The following PABPN1 variants were observed in gnomAD, a reference collection of about 807,000 sequenced individuals.
The protein encoded by PABPN1 is polyadenylate-binding protein 2.
PABPN1 carries 5 observed loss-of-function variants against 33.4 expected under a neutral mutation model. That is an observed-to-expected ratio of 0.15 (90% confidence interval 0.08 to 0.32). The LOEUF is 0.32. Ranked by LOEUF, PABPN1 falls within the 10% of genes least tolerant of loss-of-function variation. The pLI, the probability that PABPN1 is intolerant of heterozygous loss-of-function variation, is 1.00. For synonymous variants in PABPN1, 176 were observed against 170.6 expected (o/e 1.03, Z -0.25); for missense variants, 312 against 425.8 (o/e 0.73, Z 2.35).
At chr14:23,323,285 TGGTGTATGA>T in intron 3 of PABPN1, 83 bp from the exon 4 acceptor site, 1 of 1,361,882 alleles carries the variant, frequency 7.3e-7, no homozygotes, top group Non-Finnish European at 1.0e-6. Flanking sequence ...TCATGTGCTT[TGGTGTATGA>T]TGGCCCAGAC....
chr14:23,322,764 G>A, intron 2 of PABPN1: 17 of 562,758 alleles, frequency 3.0e-5, no homozygotes, highest in Middle Eastern at 3.9e-4. Context: ...GGAGGCAGGA[G>A]GGATTCCTAT....
intron 6 of PABPN1, 35 bp downstream of exon 6, chr14:23,324,324 C>T: frequency 6.2e-7 from 1 of 1,606,354 alleles, no homozygotes; most frequent in Non-Finnish European, 8.5e-7. Flanking sequence ...TTTCCCCCGC[C>T]TCCCGTGAGC....
rs564060814 is a variant in PABPN1 at position 23,325,681 on chromosome 14, T to A, written c.*395T>A. On this transcript the variant is annotated 3_prime_UTR_variant, in exon 7 of 7. Coordinates refer to ENST00000216727, the MANE Select transcript of PABPN1 (RefSeq NM_004643.4). ...CTGGAAGGACACCAAACTGTTCTGCTTGTTACCTTCCCTCCGTCTTCTCCT... is the reference window on the plus strand; with the variant it reads ...CTGGAAGGACACCAAACTGTTCTGCATGTTACCTTCCCTCCGTCTTCTCCT... 42 of 187,674 alleles carry A rather than the reference T, an allele frequency of 2.2e-4. No homozygotes were observed. Among genetic ancestry groups the A allele is most frequent in the Non-Finnish European group, 3.4e-4 (30 of 89,414 alleles). The allele number at this position is 187,674 out of a possible 1,614,324, so 11.6% of individuals were successfully genotyped here.
At position 23,323,954 on chromosome 14, in the gene PABPN1, A is replaced by G. The variant is rs1888527260; in HGVS notation, c.642-11A>G. ...GTAACCTCAGAGAGATACAATGACA[A>G]TTCTTTTCAGGTTTGCGTATATAGA... On this transcript the variant is annotated splice_polypyrimidine_tract_variant and intron_variant, in intron 4 of 6. Coordinates refer to ENST00000216727, the MANE Select transcript of PABPN1 (RefSeq NM_004643.4). 1.2e-6 allele frequency: 2 copies of G among 1,614,008 alleles called. No homozygotes were observed. The highest frequency in any genetic ancestry group is 2.2e-5 in the East Asian group (1 of 44,892).
chr14:23,323,507 G>A, intron 4 of PABPN1, 24 bp downstream of exon 4: 1 of 1,592,504 alleles, frequency 6.3e-7, no homozygotes, highest in Non-Finnish European at 8.6e-7. Flanking sequence ...AGTAAGTTGA[G>A]ATAATTTAAA....
intron 4 of PABPN1, 77 bp from the exon 5 acceptor site, chr14:23,323,888 C>T (rs982400744): frequency 1.0e-5 from 15 of 1,471,860 alleles, no homozygotes; most frequent in Admixed American, 3.5e-5. Context: ...TAGCCCAAAA[C>T]GAAGCATGCC....
At chr14:23,323,350 C>A in intron 3 of PABPN1, 27 bp from the exon 4 acceptor site, 1 of 1,608,510 alleles carries the variant, frequency 6.2e-7, no homozygotes, top group Non-Finnish European at 8.5e-7. Flanking sequence ...TTGCCTGGTG[C>A]CTGTGAAATT....
intron 6 of PABPN1, 128 bp downstream of exon 6, chr14:23,324,417 C>T: frequency 4.0e-6 from 5 of 1,261,246 alleles, no homozygotes; most frequent in Non-Finnish European, 5.6e-6. Flanking sequence ...TGTCTCCTGC[C>T]TGTGCAGGTT....
rs538688568 is a variant in PABPN1 at position 23,323,822 on chromosome 14, T to C, written c.642-143T>C. The C allele has an allele frequency of 4.4e-6, 4 of 909,904 alleles. No homozygotes were observed. In the African/African-American group the frequency reaches 6.7e-5, roughly 15 times the overall value. The allele number at this position is 909,904 out of a possible 1,614,324, so 56.4% of individuals were successfully genotyped here. On this transcript the variant is annotated intron_variant, in intron 4 of 6. Coordinates refer to ENST00000216727, the MANE Select transcript of PABPN1 (RefSeq NM_004643.4). ...ATTTTAAAATTTAAATGATTTCGAA[T>C]GATTGAAATTTTCCATTTAGAAGAA... is the stretch of plus-strand genomic sequence containing the variant.
In PABPN1 at chr14:23,323,374, C is replaced by A. The variant is rs774184575; in HGVS notation, c.535-3C>A. ...GCCTGTGAAATTTTTCTCCTCTCAT[C>A]AGGTGGACTATGGTGCAACAGCAGA... is the stretch of plus-strand genomic sequence containing the variant. On this transcript the variant is annotated splice_region_variant and splice_polypyrimidine_tract_variant and intron_variant, in intron 3 of 6. Coordinates refer to ENST00000216727, the MANE Select transcript of PABPN1 (RefSeq NM_004643.4). The A allele has an allele frequency of 1.9e-6, 3 of 1,612,812 alleles. No homozygotes were observed. Among genetic ancestry groups the A allele is most frequent in the African/African-American group, 2.7e-5 (2 of 74,868 alleles).
At chr14:23,321,966 C>A in intron 1 of PABPN1, 146 bp downstream of exon 1, 2 of 774,648 alleles carry the variant, frequency 2.6e-6, no homozygotes, top group South Asian at 1.8e-5. Flanking sequence ...GGGGATGGGT[C>A]AGCGATCACT....
Position 23,325,571 on chromosome 14 carries a change from T to A in PABPN1, c.*285T>A. Reference sequence around the variant, plus strand: ...CAACTGCGCAAGCTGCTGCCCATGTTTCCCTGCCCCACTTCACCCCCTTGG... The same window carrying A: ...CAACTGCGCAAGCTGCTGCCCATGTATCCCTGCCCCACTTCACCCCCTTGG... On this transcript the variant is annotated 3_prime_UTR_variant, in exon 7 of 7. Coordinates refer to ENST00000216727, the MANE Select transcript of PABPN1 (RefSeq NM_004643.4). The A allele has an allele frequency of 2.4e-6, 1 of 414,360 alleles. No homozygotes were observed. The allele number at this position is 414,360 out of a possible 1,614,324, so 25.7% of individuals were successfully genotyped here.
Position 23,322,986 on chromosome 14 carries a change from T to G in PABPN1, c.467-13T>G. ...GTGTGTGGTTTTTGTAAAAAATTAT[T>G]TTTTCCTGATAGCTGGCCCGGTGAT... On this transcript the variant is annotated splice_polypyrimidine_tract_variant and intron_variant, in intron 2 of 6. Coordinates refer to ENST00000216727, the MANE Select transcript of PABPN1 (RefSeq NM_004643.4). The G allele has an allele frequency of 6.2e-7, 1 of 1,614,198 alleles. No individual in the cohort carries two copies. Among genetic ancestry groups the G allele is most frequent in the Non-Finnish European group, 8.5e-7 (1 of 1,180,026 alleles).
chr14:23,325,437 TC>T lies in PABPN1; in HGVS notation c.*154del. The stretch of plus-strand genomic sequence containing the variant: ...AGATATACTGTGGAAGGGGGGAGAA[TC>T]CCATAACTAACTGCTGAGGAGGGAC... On this transcript the variant is annotated 3_prime_UTR_variant, in exon 7 of 7. Coordinates refer to ENST00000216727, the MANE Select transcript of PABPN1 (RefSeq NM_004643.4). The T allele has an allele frequency of 1.5e-6, 1 of 684,914 alleles. No individual in the cohort carries two copies. The highest frequency in any genetic ancestry group is 2.2e-6 in the Non-Finnish European group (1 of 444,628). 42.4% of individuals were successfully genotyped at this position (684,914 alleles called of 1,614,324 possible).
In PABPN1 at chr14:23,322,771, C is replaced by G. The variant is rs913599644; in HGVS notation, c.467-228C>G. 1.2e-4 allele frequency: 72 copies of G among 579,072 alleles called. No homozygotes were observed. The African/African-American group carries it at 1.3e-3, about 10-fold the overall frequency. 35.9% of individuals were successfully genotyped at this position (579,072 alleles called of 1,614,324 possible). A position where few individuals can be genotyped will look rare whatever the true frequency, so the allele number is the denominator to read the frequency against. On this transcript the variant is annotated intron_variant, in intron 2 of 6. Coordinates refer to ENST00000216727, the MANE Select transcript of PABPN1 (RefSeq NM_004643.4). ...TTTGATTTGGAGGCAGGAGGGATTCCTATACTGTTTTAAGTGTGTATTAAT... is the reference window on the plus strand; with the variant it reads ...TTTGATTTGGAGGCAGGAGGGATTCGTATACTGTTTTAAGTGTGTATTAAT...
In PABPN1 at chr14:23,325,526, G is replaced by A; in HGVS notation, c.*240G>A. The A allele has an allele frequency of 3.6e-6, 2 of 552,404 alleles. No individual in the cohort carries two copies. Among genetic ancestry groups the A allele is most frequent in the Non-Finnish European group, 6.3e-6 (2 of 316,196 alleles). 34.2% of individuals were successfully genotyped at this position (552,404 alleles called of 1,614,324 possible). A position where few individuals can be genotyped will look rare whatever the true frequency, so the allele number is the denominator to read the frequency against. ...CAGGGGGCTGCTTATTCACTCTGGG[G>A]ATTCGCCATGGACACGTCTCAACTG... On this transcript the variant is annotated 3_prime_UTR_variant, in exon 7 of 7. Transcript: ENST00000216727.
chr14:23,322,036 G>A (rs1057507170), intron 1 of PABPN1, 145 bp from the exon 2 acceptor site: 1 of 924,656 alleles, frequency 1.1e-6, no homozygotes, highest in Admixed American at 2.1e-5. Context: ...TTCTAGAGAG[G>A]GTAGCTTTTC....
In PABPN1 at chr14:23,324,206, C is replaced by T; in HGVS notation, c.798C>T (p.Tyr266=). The T allele has an allele frequency of 6.2e-7, 1 of 1,614,198 alleles. No homozygotes were observed. Among genetic ancestry groups the T allele is most frequent in the Non-Finnish European group, 8.5e-7 (1 of 1,180,038 alleles). ...ACCGGGGTTTTCCACGAGCCCGCTA[C>T]CGCGCCCGGACCACCAACTACAACA... The part of the protein sequence containing the change: ...TTDRGFPRAR[Y]RARTTNYNSS... The change falls in exon 6 of 7, where the codon TAC becomes TAT. Residue 266 remains tyrosine (Y), a synonymous_variant. Transcript: ENST00000216727.
Position 23,326,145 on chromosome 14 carries a change from T to C in PABPN1, c.*859T>C, listed in dbSNP as rs2138489972. 1 of 152,628 alleles carries C rather than the reference T, an allele frequency of 6.6e-6. No individual in the cohort carries two copies. Among genetic ancestry groups the C allele is most frequent in the South Asian group, 2.1e-4 (1 of 4,826 alleles). 9.5% of individuals were successfully genotyped at this position (152,628 alleles called of 1,614,324 possible). ...TTTTTAATATGTGTCATGAATAAAG[T>C]TGTTTTTGAAAATAAAAATTGTTTG... is the stretch of plus-strand genomic sequence containing the variant. On this transcript the variant is annotated 3_prime_UTR_variant, in exon 7 of 7. Coordinates refer to ENST00000216727, the MANE Select transcript of PABPN1 (RefSeq NM_004643.4).
Sources: gnomAD v4.1 joint callset for allele counts on GRCh38, gnomAD v4.1.1 for gene constraint, MANE v1.5 for transcripts, NCBI Gene and HGNC (gene_info 2026-07-23, HGNC 2026-07-21) for gene names.